SLC8A3: variants seen among roughly 807,000 people sequenced by gnomAD.
SLC8A3 encodes the protein solute carrier family 8 member A3, also known as sodium/calcium exchanger 3.
Under a neutral mutation model 65.4 loss-of-function variants are expected in SLC8A3, and 37 were observed. The ratio of observed to expected loss-of-function variants is 0.57; its 90% CI spans 0.44 to 0.74. The LOEUF is 0.74. Ranked by LOEUF, SLC8A3 falls within the 30% of genes least tolerant of loss-of-function variation. SLC8A3 has a pLI of 0.00. For missense variants in SLC8A3, 1,112 were observed against 1,172.1 expected, an observed-to-expected ratio of 0.95 and a Z score of 0.75; for synonymous variants, 461 against 444.5, an observed-to-expected ratio of 1.04 and a Z score of -0.47.
intron 1 of SLC8A3, among the ~76,000 whole-genome samples, chr14:70,174,497 G>A (rs553985126): frequency 4.7e-4 from 72 of 152,146 alleles, no homozygotes; most frequent in African/African-American, 1.7e-3. Context: ...TGGGCCCAGA[G>A]CCACGTGAAA....
At chr14:70,140,182 G>T (rs762238486) in intron 2 of SLC8A3, among the ~76,000 whole-genome samples, 2 of 152,188 alleles carry the variant, frequency 1.3e-5, no homozygotes, top group Non-Finnish European at 2.9e-5. Flanking sequence ...TGAGCTGAAA[G>T]CATATGCCCC....
intron 1 of SLC8A3, among the ~76,000 whole-genome samples, chr14:70,180,582 C>T (rs980407498): frequency 1.3e-5 from 2 of 152,184 alleles, no homozygotes; most frequent in African/African-American, 4.8e-5. Flanking sequence ...CTTCCTGTCT[C>T]ACTGGGGAGA....
chr14:70,141,331 G>T (rs1171818479), intron 2 of SLC8A3, among the ~76,000 whole-genome samples: 2 of 152,338 alleles, frequency 1.3e-5, no homozygotes, highest in East Asian at 1.9e-4. Flanking sequence ...TATACCCATT[G>T]TGTGGGTAGA....
intron 2 of SLC8A3, among the ~76,000 whole-genome samples, chr14:70,081,440 A>G (rs1043874395): frequency 1.3e-5 from 2 of 152,218 alleles, no homozygotes; most frequent in Non-Finnish European, 2.9e-5. Context: ...TCTTTTTCCT[A>G]TCTGATTCCT....
rs1484989665 is a variant in SLC8A3, at chr14:70,052,059, C to T, written c.1944G>A (p.Glu648=). ...MEEEEAKRIA[E]MGKPVLGEHP... is the part of the protein sequence containing the mutation. ...GTTCACCCAATACTGGCTTTCCCAT[C>T]TCTGCTATCCTCTTGGCCTCCTCTT... The change falls in exon 4 of 7, where the codon GAG becomes GAA. Residue 648 remains glutamate, a synonymous_variant. Coordinates refer to ENST00000356921, the MANE Select transcript of SLC8A3 (RefSeq NM_182932.3). 1 of 1,611,978 alleles carries T rather than the reference C, an allele frequency of 6.2e-7. No homozygotes were observed. Among genetic ancestry groups the T allele is most frequent in the Non-Finnish European group, 8.5e-7 (1 of 1,179,532 alleles).
intron 1 of SLC8A3, among the ~76,000 whole-genome samples, chr14:70,181,349 A>G (rs942452263): frequency 1.3e-5 from 2 of 151,874 alleles, no homozygotes; most frequent in Admixed American, 1.3e-4. Context: ...GTGAGGGAGT[A>G]TATTCATTTA....
intron 1 of SLC8A3, among the ~76,000 whole-genome samples, chr14:70,186,874 C>T (rs1374217782): frequency 1.3e-5 from 2 of 152,176 alleles, no homozygotes; most frequent in Non-Finnish European, 2.9e-5. Flanking sequence ...TGAACTGATC[C>T]CCCTATTTCA....
chr14:70,060,420 TCTC>T (rs1287898520), intron 3 of SLC8A3, among the ~76,000 whole-genome samples: 1 of 151,948 alleles, frequency 6.6e-6, no homozygotes, highest in Non-Finnish European at 1.5e-5. Context: ...TTTTTTTTCT[TCTC>T]CTCCCCACCC....
At chr14:70,072,121 C>A (rs1268968298) in intron 2 of SLC8A3, among the ~76,000 whole-genome samples, 1 of 152,072 alleles carries the variant, frequency 6.6e-6, no homozygotes, top group African/African-American at 2.4e-5. Context: ...GGATGTAGAC[C>A]CATTTGAGGA....
At chr14:70,080,162 G>C in intron 2 of SLC8A3, 2 of 985,394 alleles carry the variant, frequency 2.0e-6, no homozygotes, top group Non-Finnish European at 2.4e-6. Flanking sequence ...GCCTCTAGCT[G>C]TCATTCCCTA....
At chr14:70,133,604 G>A (rs1420010255) in intron 2 of SLC8A3, among the ~76,000 whole-genome samples, 6 of 152,180 alleles carry the variant, frequency 3.9e-5, no homozygotes, top group Non-Finnish European at 5.9e-5. Flanking sequence ...ACTGTGCCAG[G>A]TGCCAAAGCC....
intron 2 of SLC8A3, among the ~76,000 whole-genome samples, chr14:70,113,448 A>C (rs1440559818): frequency 1.3e-5 from 2 of 152,232 alleles, no homozygotes; most frequent in Non-Finnish European, 2.9e-5. Flanking sequence ...CCAAAACATC[A>C]TTATGCAGCG....
At position 70,123,575 on chromosome 14, in the gene SLC8A3, G is replaced by A. The variant is rs1345020234; in HGVS notation, c.1784+43064C>T. Among the ~76,000 whole-genome samples, 8 of 151,380 alleles carry A rather than the reference G, an allele frequency of 5.3e-5. No homozygotes were observed. In the East Asian group the frequency reaches 7.9e-4, roughly 15 times the overall value. On this transcript the variant is annotated intron_variant, in intron 2 of 6. Transcript: ENST00000356921. ...AGCAATTCTCCGGCCTCAGCCTCCC[G>A]AGTAGCTAGGATTACAGGCACCTGT...
intron 2 of SLC8A3, among the ~76,000 whole-genome samples, chr14:70,134,025 G>GGT (rs1895031285): frequency 6.6e-6 from 1 of 152,136 alleles, no homozygotes; most frequent in Non-Finnish European, 1.5e-5. Flanking sequence ...CCATCATGCT[G>GGT]GTACTTTTGT....
intron 2 of SLC8A3, among the ~76,000 whole-genome samples, chr14:70,114,708 C>T (rs1354507050): frequency 1.3e-5 from 2 of 152,154 alleles, no homozygotes; most frequent in South Asian, 2.1e-4. Context: ...TTCAACTAAA[C>T]GCATTATCAT....
chr14:70,174,659 T>TTTTG (rs1246348396), intron 1 of SLC8A3, among the ~76,000 whole-genome samples: 1 of 47,888 alleles, frequency 2.1e-5, no homozygotes. Flanking sequence ...CCGTTTTTTT[T>TTTTG]TTGTTTTTTT....
chr14:70,093,766 C>T (rs1339333061), intron 2 of SLC8A3, among the ~76,000 whole-genome samples: 1 of 152,190 alleles, frequency 6.6e-6, no homozygotes, highest in Non-Finnish European at 1.5e-5. Flanking sequence ...CTTGACACTT[C>T]CCATTCTGCC....
At chr14:70,172,604 A>G (rs1400929691) in intron 1 of SLC8A3, among the ~76,000 whole-genome samples, 2 of 151,494 alleles carry the variant, frequency 1.3e-5, no homozygotes, top group African/African-American at 2.4e-5. Context: ...TATTCTTCCC[A>G]TCAGTTCAGT....
intron 2 of SLC8A3, among the ~76,000 whole-genome samples, chr14:70,110,673 C>CTTTTT (rs71102684): frequency 4.1e-4 from 38 of 91,854 alleles, no homozygotes; most frequent in East Asian, 8.0e-4. Context: ...ATACCTCTTT[C>CTTTTT]TTTTTTTTTT....
Sources: gnomAD v4.1 joint callset for allele counts (sites outside exome capture counted in the v4.1 genomes callset) on GRCh38, gnomAD v4.1.1 for gene constraint, MANE v1.5 for transcripts, NCBI Gene and HGNC (gene_info 2026-07-23, HGNC 2026-07-21) for gene names.